The following ZNF106 variants were observed in gnomAD, a reference collection of about 807,000 sequenced individuals.
ZNF106 encodes zinc finger protein 106.
Under a neutral mutation model 195.1 loss-of-function variants are expected in ZNF106, and 67 were observed. The ratio of observed to expected loss-of-function variants is 0.34; its 90% confidence interval spans 0.28 to 0.42. The LOEUF (loss-of-function observed/expected upper bound fraction) is 0.42, where lower values mean the gene tolerates loss of function less well. ZNF106 is among the 10% of genes least tolerant of loss of function. ZNF106 has a pLI of 1.00. For missense variants in ZNF106, 2,118 were observed against 2,304.5 expected, an observed-to-expected ratio of 0.92 and a Z score of 1.66; for synonymous variants, 784 against 818.6, an observed-to-expected ratio of 0.96 and a Z score of 0.72.
chr15:42,444,799 T>A, intron 8 of ZNF106, 28 bp downstream of exon 8: 1 of 1,610,660 alleles, frequency 6.2e-7, no homozygotes, highest in Non-Finnish European at 8.5e-7. Context: ...GATGATCCAT[T>A]TTTATTAAAT....
intron 1 of ZNF106, among the ~76,000 whole-genome samples, chr15:42,476,448 T>C (rs982525644): frequency 5.3e-5 from 8 of 152,010 alleles, no homozygotes; most frequent in African/African-American, 1.9e-4. Context: ...AGTAAGTAAA[T>C]AAGGAATCCA....
intron 10 of ZNF106, among the ~76,000 whole-genome samples, chr15:42,440,139 T>C (rs1373455082): frequency 6.6e-6 from 1 of 152,252 alleles, no homozygotes; most frequent in Non-Finnish European, 1.5e-5. Flanking sequence ...GACACTTAAA[T>C]GTCTACTTAG....
chr15:42,456,963 T>C lies in ZNF106; in HGVS notation c.312A>G (p.Gln104=). The change falls in exon 4 of 22, where the codon CAA becomes CAG. Residue 104 remains glutamine (Q), a synonymous_variant. Coordinates refer to ENST00000564754, the MANE Select transcript of ZNF106 (RefSeq NM_001366845.3). ...TTAAAAAATCAATTACTTACCGACTTTGTTCTTTCCTTTGTTTTATTAACT... is the reference window on the plus strand; with the variant it reads ...TTAAAAAATCAATTACTTACCGACTCTGTTCTTTCCTTTGTTTTATTAACT... The part of the protein sequence containing the change: ...LIQLIKQRKE[Q]SRQDEPSNSN... 1 of 1,612,486 alleles carries C rather than the reference T, an allele frequency of 6.2e-7. No homozygotes were observed. Among genetic ancestry groups the C allele is most frequent in the Non-Finnish European group, 8.5e-7 (1 of 1,179,230 alleles).
chr15:42,432,526 C>G (rs1436180503), intron 14 of ZNF106, among the ~76,000 whole-genome samples: 1 of 152,018 alleles, frequency 6.6e-6, no homozygotes, highest in Admixed American at 6.6e-5. Flanking sequence ...CATAGTATAT[C>G]TATTTCCATT....
At chr15:42,458,915 TA>T (rs1285106828) in intron 3 of ZNF106, among the ~76,000 whole-genome samples, 1 of 151,812 alleles carries the variant, frequency 6.6e-6, no homozygotes, top group African/African-American at 2.4e-5. Flanking sequence ...CCAGTAAGTT[TA>T]AAAAAACAAC....
rs557389031 is a variant in ZNF106 at position 42,449,529 on chromosome 15, G to A, written c.2501+242C>T. ...TGTAAAGCCATGACTTTTTTCCTAC[G>A]TCACCACCTTGTTTCTCAAGTAGGT... On this transcript the variant is annotated intron_variant, in intron 5 of 21. Coordinates refer to ENST00000564754, the MANE Select transcript of ZNF106 (RefSeq NM_001366845.3). Among the ~76,000 whole-genome samples the A allele has an allele frequency of 4.6e-5, 7 of 152,020 alleles. No homozygotes were observed. In the South Asian group the frequency reaches 8.3e-4, roughly 18 times the overall value.
intron 4 of ZNF106, among the ~76,000 whole-genome samples, chr15:42,454,600 T>C (rs1025253316): frequency 2.0e-5 from 3 of 151,982 alleles, no homozygotes; most frequent in Admixed American, 6.6e-5. Context: ...GTAGATGATT[T>C]TGTCCAGGTG....
rs199750851 is a variant in ZNF106 at position 42,455,867 on chromosome 15, T to TTC, written c.317+1089_317+1090dup. ...AAAAATTATCCCACCTCATAAGTGC[T>TTC]TCTCTCTCTCTTTCCCTCACATTGA... On this transcript the variant is annotated intron_variant, in intron 4 of 21. Coordinates refer to ENST00000564754, the MANE Select transcript of ZNF106 (RefSeq NM_001366845.3). 7.1e-3 allele frequency among the ~76,000 whole-genome samples: 1,085 copies of TTC among 152,286 alleles called. 13 individuals are homozygous for TTC. The highest frequency in any genetic ancestry group is 0.03 in the Admixed American group (460 of 15,296).
At chr15:42,455,739 G>A (rs1294462958) in intron 4 of ZNF106, among the ~76,000 whole-genome samples, 2 of 152,098 alleles carry the variant, frequency 1.3e-5, no homozygotes, top group Non-Finnish European at 2.9e-5. Flanking sequence ...TTAAGCCTCT[G>A]ACTAAAAAGG....
Position 42,415,133 on chromosome 15 carries a change from T to C in ZNF106, c.*2171A>G, listed in dbSNP as rs2054401154. On this transcript the variant is annotated 3_prime_UTR_variant, in exon 22 of 22. Coordinates refer to ENST00000564754, the MANE Select transcript of ZNF106 (RefSeq NM_001366845.3). The stretch of plus-strand genomic sequence containing the variant: ...CTCCTAGATTAACTCTTTTTTTTTT[T>C]TTTTTGAGGTGGAGTTTCACTCTTG... 1.1e-5 allele frequency: 2 copies of C among 186,648 alleles called. No individual in the cohort carries two copies. Among genetic ancestry groups the C allele is most frequent in the Non-Finnish European group, 2.2e-5 (2 of 89,100 alleles). The allele number at this position is 186,648 out of a possible 1,614,324, so 11.6% of individuals were successfully genotyped here.
chr15:42,449,167 G>A (rs1014009958), intron 5 of ZNF106, among the ~76,000 whole-genome samples: 2 of 152,184 alleles, frequency 1.3e-5, no homozygotes, highest in African/African-American at 4.8e-5. Flanking sequence ...CTGGAGAACT[G>A]TATCATCATG....
intron 2 of ZNF106, 99 bp downstream of exon 2, chr15:42,472,137 T>C: frequency 8.7e-7 from 1 of 1,145,668 alleles, no homozygotes; most frequent in Non-Finnish European, 1.2e-6. Flanking sequence ...GCTTTTCCTA[T>C]TAATAACATA....
chr15:42,428,921 G>A (rs1245848488), intron 14 of ZNF106, among the ~76,000 whole-genome samples: 2 of 151,450 alleles, frequency 1.3e-5, no homozygotes, highest in African/African-American at 2.4e-5. Context: ...CCGCCACCAC[G>A]CCCAGCTAAT....
In ZNF106 at chr15:42,451,496, T is replaced by G. The variant is rs745349566; in HGVS notation, c.776A>C (p.Asn259Thr). Reference sequence around the variant, plus strand: ...AAATTTGTCTCCAGGGCCACTGTAATTCCAATTATTTGTACTACGTACACT... The same window carrying G: ...AAATTTGTCTCCAGGGCCACTGTAAGTCCAATTATTTGTACTACGTACACT... ...KSSVRSTNNWNYSGPGDKFQP... is the reference protein window; with the variant it reads ...KSSVRSTNNWTYSGPGDKFQP... Residue 259 changes from asparagine to threonine, a missense_variant, in exon 5 of 22, where the codon AAT becomes ACT. By Grantham distance (65) the Asn-to-Thr change is moderately conservative (BLOSUM62 0). Transcript: ENST00000564754. The G allele has an allele frequency of 7.4e-6, 12 of 1,614,248 alleles. No homozygotes were observed. Among genetic ancestry groups the G allele is most frequent in the Non-Finnish European group, 1.0e-5 (12 of 1,180,050 alleles).
At chr15:42,443,358 G>C (rs530445524) in intron 9 of ZNF106, among the ~76,000 whole-genome samples, 1 of 152,066 alleles carries the variant, frequency 6.6e-6, no homozygotes, top group Non-Finnish European at 1.5e-5. Flanking sequence ...CTGGCCAGGC[G>C]TGGTGGTTCA....
intron 2 of ZNF106, among the ~76,000 whole-genome samples, chr15:42,468,491 T>C (rs1056991319): frequency 6.6e-6 from 1 of 151,596 alleles, no homozygotes; most frequent in Non-Finnish European, 1.5e-5. Context: ...ACGCCTATAA[T>C]CCCAGCACTT....
chr15:42,450,295 TCTA>T lies in ZNF106; in HGVS notation c.1974_1976del (p.Arg659del). The T allele has an allele frequency of 6.2e-7, 1 of 1,614,196 alleles. No homozygotes were observed. The highest frequency in any genetic ancestry group is 8.5e-7 in the Non-Finnish European group (1 of 1,180,030). The stretch of plus-strand genomic sequence containing the variant: ...GATTACATGGGGAAGTGGATAGCTC[TCTA>T]GAAGTCTTCAGGATGCGGTCATCCT... On this transcript the variant is annotated inframe_deletion, in exon 5 of 22. Transcript: ENST00000564754.
Position 42,450,837 on chromosome 15 carries a change from G to C in ZNF106, c.1435C>G (p.Pro479Ala). Residue 479 changes from proline to alanine, a missense_variant, in exon 5 of 22, where the codon CCA (proline) becomes GCA (alanine). Transcript: ENST00000564754. ...GACAATGATTTAGTGGCTGGACATG[G>C]AAGGAGTGGGGATTTCAATGATGGC... ...KMPSLKSPLL[P>A]CPATKSLSQK... The C allele has an allele frequency of 6.2e-7, 1 of 1,614,194 alleles. No homozygotes were observed.
chr15:42,469,858 CAAAAAAAAA>C, intron 2 of ZNF106, among the ~76,000 whole-genome samples: 1 of 86,006 alleles, frequency 1.2e-5, no homozygotes, highest in African/African-American at 3.7e-5. Flanking sequence ...AAAACAACAA[CAAAAAAAAA>C]AAAAGAAAAA....
Sources: gnomAD v4.1 joint callset for allele counts (sites outside exome capture counted in the v4.1 genomes callset) on GRCh38, gnomAD v4.1.1 for gene constraint, MANE v1.5 for transcripts, NCBI Gene and HGNC (gene_info 2026-07-23, HGNC 2026-07-21) for gene names.